NLGN1: variants seen among roughly 807,000 people sequenced by gnomAD.
NLGN1 encodes neuroligin-1.
A neutral mutation model predicts 65.5 loss-of-function variants in NLGN1; 12 were observed. The observed-to-expected ratio is 0.18, with a 90% CI of 0.12 to 0.30. The LOEUF (loss-of-function observed/expected upper bound fraction) is 0.30. Among genes scored for constraint, NLGN1 ranks in the 10% least tolerant of loss-of-function variants. NLGN1 has a pLI of 1.00. For missense variants in NLGN1, 750 were observed against 1,007.1 expected, an observed-to-expected ratio of 0.74 and a Z score of 3.46; for synonymous variants, 350 against 359.5, an observed-to-expected ratio of 0.97 and a Z score of 0.30.
upstream of NLGN1, chr3:173,397,735 C>A (rs1716864593): frequency 6.6e-6 from 1 of 152,254 alleles, no homozygotes; most frequent in East Asian, 1.9e-4. Context: ...TGTGGGCGGG[C>A]GGGGGAGCGC....
At chr3:174,147,308 G>C (rs1723465054) in intron 4 of NLGN1, among the ~76,000 whole-genome samples, 1 of 151,664 alleles carries the variant, frequency 6.6e-6, no homozygotes, top group African/African-American at 2.4e-5. Context: ...CCACCTACAG[G>C]TCTACCGAAC....
At chr3:173,782,345 G>A (rs919318751) in intron 3 of NLGN1, among the ~76,000 whole-genome samples, 2 of 152,042 alleles carry the variant, frequency 1.3e-5, no homozygotes, top group Non-Finnish European at 2.9e-5. Context: ...AAAGGCGCGG[G>A]TAATGTAAAT....
intron 4 of NLGN1, among the ~76,000 whole-genome samples, chr3:173,925,779 A>C (rs771091646): frequency 6.6e-6 from 1 of 152,192 alleles, no homozygotes; most frequent in Non-Finnish European, 1.5e-5. Context: ...CAGAGATAAA[A>C]ATTATAAATA....
intron 3 of NLGN1, among the ~76,000 whole-genome samples, chr3:173,668,322 G>C (rs1761992284): frequency 6.6e-6 from 1 of 152,144 alleles, no homozygotes; most frequent in African/African-American, 2.4e-5. Context: ...CAGAAGTAAT[G>C]AGCAGAAAAA....
At chr3:174,161,182 T>C (rs1399087471) in intron 4 of NLGN1, among the ~76,000 whole-genome samples, 3 of 149,328 alleles carry the variant, frequency 2.0e-5, no homozygotes, top group Non-Finnish European at 3.0e-5. Context: ...GCTCCAAATC[T>C]GTGATGGAAA....
At chr3:173,542,433 T>G (rs1219121918) in intron 2 of NLGN1, among the ~76,000 whole-genome samples, 1 of 152,070 alleles carries the variant, frequency 6.6e-6, no homozygotes, top group African/African-American at 2.4e-5. Flanking sequence ...TCCTCAAATA[T>G]TCACTAATCA....
intron 2 of NLGN1, among the ~76,000 whole-genome samples, chr3:173,442,475 A>G (rs1368348171): frequency 6.6e-6 from 1 of 152,158 alleles, no homozygotes. Context: ...CAACGTGTGT[A>G]ATATTCTCCA....
At chr3:173,494,480 G>A (rs1033051140) in intron 2 of NLGN1, among the ~76,000 whole-genome samples, 1 of 151,446 alleles carries the variant, frequency 6.6e-6, no homozygotes, top group Non-Finnish European at 1.5e-5. Flanking sequence ...AGCATCTCAA[G>A]TTATTGCTTT....
chr3:174,173,986 T>G (rs1561216878), intron 4 of NLGN1, among the ~76,000 whole-genome samples: 2 of 152,036 alleles, frequency 1.3e-5, no homozygotes, highest in African/African-American at 4.8e-5. Context: ...TTCCCACTCT[T>G]TCACCCTGGG....
At chr3:173,891,465 G>A (rs570962912) in intron 4 of NLGN1, among the ~76,000 whole-genome samples, 1 of 152,164 alleles carries the variant, frequency 6.6e-6, no homozygotes, top group Non-Finnish European at 1.5e-5. Flanking sequence ...TCCTAAAATA[G>A]TTCCTCTTTT....
At chr3:173,578,235 C>A (rs1030807616) in intron 2 of NLGN1, among the ~76,000 whole-genome samples, 248 of 128,336 alleles carry the variant, frequency 1.9e-3, no homozygotes, top group South Asian at 2.7e-3. Flanking sequence ...GACTCCGTCT[C>A]AAAAAAAAAA....
chr3:173,993,304 T>C (rs182647435), intron 4 of NLGN1, among the ~76,000 whole-genome samples: 1 of 152,314 alleles, frequency 6.6e-6, no homozygotes, highest in Non-Finnish European at 1.5e-5. Flanking sequence ...AAATCACCAA[T>C]GTAGTTGTTC....
intron 4 of NLGN1, among the ~76,000 whole-genome samples, chr3:173,849,866 T>C (rs1726551355): frequency 6.6e-6 from 1 of 152,206 alleles, no homozygotes; most frequent in Non-Finnish European, 1.5e-5. Context: ...ATGTGTTCTT[T>C]CATAAGTGTG....
At chr3:173,635,991 T>C (rs533766529) in intron 3 of NLGN1, among the ~76,000 whole-genome samples, 3 of 152,140 alleles carry the variant, frequency 2.0e-5, no homozygotes, top group Non-Finnish European at 4.4e-5. Flanking sequence ...GAGACTGTAG[T>C]ATATTTATTG....
At chr3:173,448,075 C>G (rs528233863) in intron 2 of NLGN1, among the ~76,000 whole-genome samples, 20 of 152,202 alleles carry the variant, frequency 1.3e-4, no homozygotes, top group African/African-American at 3.6e-4. Flanking sequence ...CCTGATTGCC[C>G]TGGCCAGAAC....
At chr3:173,747,493 C>G (rs1775647408) in intron 3 of NLGN1, among the ~76,000 whole-genome samples, 2 of 150,000 alleles carry the variant, frequency 1.3e-5, no homozygotes, top group South Asian at 4.2e-4. Context: ...GTGAATCCAT[C>G]TTTCTTAGGA....
At chr3:174,010,193 A>G (rs291928) in intron 4 of NLGN1, among the ~76,000 whole-genome samples, 143,600 of 152,216 alleles carry the variant, frequency 0.94, 67,771 homozygotes, top group East Asian at 0.98. Flanking sequence ...TCTGAAGACA[A>G]ACTCTATAAT....
intron 4 of NLGN1, among the ~76,000 whole-genome samples, chr3:173,965,368 A>T (rs1432167909): frequency 1.3e-5 from 2 of 151,710 alleles, no homozygotes; most frequent in Non-Finnish European, 2.9e-5. Context: ...CCCAGACTAG[A>T]GTGTAGTAGT....
chr3:173,541,781 C>T (rs1341397753), intron 2 of NLGN1, among the ~76,000 whole-genome samples: 2 of 152,090 alleles, frequency 1.3e-5, no homozygotes. Flanking sequence ...ATGTTGCTGG[C>T]ATCTGGTTTG....
Sources: gnomAD v4.1 joint callset for allele counts (sites outside exome capture counted in the v4.1 genomes callset) on GRCh38, gnomAD v4.1.1 for gene constraint, MANE v1.5 for transcripts, NCBI Gene and HGNC (gene_info 2026-07-23, HGNC 2026-07-21) for gene names.